BCKDHB: variants seen among roughly 807,000 people sequenced by gnomAD.
The protein encoded by BCKDHB is branched chain keto acid dehydrogenase E1 subunit beta, also known as 2-oxoisovalerate dehydrogenase subunit beta, mitochondrial.
In BCKDHB, 41 loss-of-function variants were observed where a neutral mutation model predicts 48.5. The observed-to-expected ratio is 0.85, with a 90% CI of 0.66 to 1.10. BCKDHB has a LOEUF of 1.10. Ranked by LOEUF, BCKDHB falls within the 50% of genes least tolerant of loss-of-function variation. The pLI, the probability that BCKDHB is intolerant of heterozygous loss-of-function variation, is 0.00. For synonymous variants in BCKDHB, 201 were observed against 174.8 expected, an observed-to-expected ratio of 1.15 and a Z score of -1.18; for missense variants, 496 against 494.2, an observed-to-expected ratio of 1.00 and a Z score of -0.03.
intron 8 of BCKDHB, among the ~76,000 whole-genome samples, chr6:80,215,134 T>C (rs1775108535): frequency 6.6e-6 from 1 of 152,220 alleles, no homozygotes; most frequent in Non-Finnish European, 1.5e-5. Context: ...TCCTTAGGCA[T>C]AGGGAAAAAT....
chr6:80,417,102 T>C, the BCKDHB span, among the ~76,000 whole-genome samples: 3 of 152,196 alleles, frequency 2.0e-5, no homozygotes, highest in African/African-American at 7.2e-5. Context: ...TTGACCATTA[T>C]GTAATGCTCT....
chr6:80,230,852 G>A (rs1037669627), intron 8 of BCKDHB, among the ~76,000 whole-genome samples: 6 of 152,118 alleles, frequency 3.9e-5, no homozygotes, highest in Non-Finnish European at 7.4e-5. Flanking sequence ...AGTGACATGA[G>A]GGCTCTGTCA....
the BCKDHB span, among the ~76,000 whole-genome samples, chr6:80,418,660 C>T: frequency 6.6e-6 from 1 of 152,124 alleles, no homozygotes; most frequent in East Asian, 1.9e-4. Flanking sequence ...ATCCACTATG[C>T]TGGGGAAAGG....
intron 8 of BCKDHB, among the ~76,000 whole-genome samples, chr6:80,231,223 T>C (rs1477669144): frequency 6.6e-6 from 1 of 152,186 alleles, no homozygotes; most frequent in East Asian, 1.9e-4. Context: ...GCTTTAAATA[T>C]AAAAACCAAA....
At chr6:80,324,560 A>G (rs1252537366) in intron 9 of BCKDHB, among the ~76,000 whole-genome samples, 13 of 152,176 alleles carry the variant, frequency 8.5e-5, no homozygotes, top group Admixed American at 8.5e-4. Flanking sequence ...ATTAGCATAT[A>G]TAGTAGTGAG....
At chr6:80,460,174 C>A in the BCKDHB span, among the ~76,000 whole-genome samples, 2 of 152,094 alleles carry the variant, frequency 1.3e-5, no homozygotes, top group Non-Finnish European at 2.9e-5. Flanking sequence ...AACCTTTGAA[C>A]TTTCTGGAAA....
chr6:80,269,211 A>C (rs613588), intron 8 of BCKDHB, among the ~76,000 whole-genome samples: 46,069 of 151,912 alleles, frequency 0.3, 7,553 homozygotes, highest in Non-Finnish European at 0.38. Context: ...GTGGCCAAAC[A>C]AGAAACAAGT....
chr6:80,293,606 C>T (rs1293888007), intron 9 of BCKDHB, among the ~76,000 whole-genome samples: 2 of 152,196 alleles, frequency 1.3e-5, no homozygotes, highest in African/African-American at 2.4e-5. Flanking sequence ...TGGTGGTTAA[C>T]ATTGGGCTCC....
chr6:80,258,215 T>G (rs1442598732), intron 8 of BCKDHB, among the ~76,000 whole-genome samples: 1 of 152,180 alleles, frequency 6.6e-6, no homozygotes, highest in Non-Finnish European at 1.5e-5. Flanking sequence ...AGGCACTGTT[T>G]CTGCTGAAAA....
intron 8 of BCKDHB, among the ~76,000 whole-genome samples, chr6:80,241,020 C>G (rs756442027): frequency 2.0e-5 from 3 of 151,976 alleles, no homozygotes; most frequent in Non-Finnish European, 4.4e-5. Context: ...TCACTGATAC[C>G]CTTCTTCCAC....
chr6:80,156,859 T>C (rs932748762), intron 3 of BCKDHB, among the ~76,000 whole-genome samples: 1 of 152,238 alleles, frequency 6.6e-6, no homozygotes. Context: ...TTGTTCATTA[T>C]GCCATATTTT....
chr6:80,251,707 T>G (rs1776845085), intron 8 of BCKDHB: 1 of 152,194 alleles, frequency 6.6e-6, no homozygotes, highest in African/African-American at 2.4e-5. Context: ...ATCATTTTCT[T>G]TTAGGTATTT....
chr6:80,250,062 G>A (rs1449068091), intron 8 of BCKDHB, among the ~76,000 whole-genome samples: 1 of 152,160 alleles, frequency 6.6e-6, no homozygotes, highest in Admixed American at 6.6e-5. Context: ...ACACAGTGGT[G>A]TAGAGTGTGG....
the BCKDHB span, chr6:80,443,579 G>T: frequency 1.4e-3 from 219 of 152,146 alleles, no homozygotes; most frequent in African/African-American, 5.1e-3. Context: ...GGATTTTTTT[G>T]GTAAGGCAAA....
chr6:80,296,676 A>C (rs961406257), intron 9 of BCKDHB, among the ~76,000 whole-genome samples: 2 of 152,186 alleles, frequency 1.3e-5, no homozygotes, highest in Non-Finnish European at 2.9e-5. Context: ...TGAGCAGATC[A>C]GTGCTATGAA....
the BCKDHB span, among the ~76,000 whole-genome samples, chr6:80,433,770 T>C: frequency 1.7e-4 from 26 of 152,246 alleles, no homozygotes; most frequent in Non-Finnish European, 2.5e-4. Flanking sequence ...ATTTTAAGAT[T>C]TTTTAAAAAA....
At chr6:80,142,400 T>C (rs1771265631) in intron 3 of BCKDHB, among the ~76,000 whole-genome samples, 1 of 152,102 alleles carries the variant, frequency 6.6e-6, no homozygotes. Context: ...CTTGCTGCCA[T>C]TCCTAGGTAT....
At position 80,169,501 on chromosome 6, in the gene BCKDHB, AT is replaced by A. The variant is rs59803313; in HGVS notation, c.633+481del. Among the ~76,000 whole-genome samples the A allele has an allele frequency of 5.4e-3, 814 of 150,588 alleles. 3 individuals are homozygous for A. Among genetic ancestry groups the A allele is most frequent in the African/African-American group, 0.019 (769 of 41,164 alleles). On this transcript the variant is annotated intron_variant, in intron 5 of 9. Coordinates refer to ENST00000320393, the MANE Select transcript of BCKDHB (RefSeq NM_183050.4). ...AGACTAAGAGAAGACTGTTACCTAG[AT>A]TTTTTTTTTCTGTTTAAAGTTAGGT...
At chr6:80,248,120 G>A (rs541368409) in intron 8 of BCKDHB, among the ~76,000 whole-genome samples, 35 of 152,182 alleles carry the variant, frequency 2.3e-4, no homozygotes, top group African/African-American at 7.5e-4. Context: ...CCCTTATCTA[G>A]TTTTCCTGCT....
Sources: gnomAD v4.1 joint callset for allele counts (sites outside exome capture counted in the v4.1 genomes callset) on GRCh38, gnomAD v4.1.1 for gene constraint, MANE v1.5 for transcripts, NCBI Gene and HGNC (gene_info 2026-07-23, HGNC 2026-07-21) for gene names.